ZSCAN5A: variants seen among roughly 807,000 people sequenced by gnomAD.
ZSCAN5A encodes zinc finger and SCAN domain-containing protein 5A.
ZSCAN5A carries 12 observed loss-of-function variants against 23.7 expected under a neutral mutation model. That is an observed-to-expected ratio of 0.51 (90% CI 0.32 to 0.82). The LOEUF is 0.82. Ranked by LOEUF, ZSCAN5A falls within the 40% of genes least tolerant of loss-of-function variation. The pLI, the probability that ZSCAN5A is intolerant of heterozygous loss-of-function variation, is 0.03. For missense variants in ZSCAN5A, 597 were observed against 617.9 expected (o/e 0.97, Z 0.36); for synonymous variants, 257 against 239.9 (o/e 1.07, Z -0.66).
chr19:56,364,453 A>G (rs1421974987), intron 1 of ZSCAN5A, among the ~76,000 whole-genome samples: 2 of 152,240 alleles, frequency 1.3e-5, no homozygotes, highest in Non-Finnish European at 2.9e-5. Flanking sequence ...AAAGAACGAC[A>G]ATATAAAGTC....
At chr19:56,321,635 G>C (rs2041377023) in intron 2 of ZSCAN5A, 1 of 879,438 alleles carries the variant, frequency 1.1e-6, no homozygotes, top group East Asian at 2.4e-5. Context: ...GTTCATCCAT[G>C]CATCGTTATG....
At chr19:56,242,282 G>A (rs1398146565) in intron 2 of ZSCAN5A, among the ~76,000 whole-genome samples, 3 of 152,200 alleles carry the variant, frequency 2.0e-5, no homozygotes, top group African/African-American at 7.2e-5. Flanking sequence ...CCCTGATGAT[G>A]AGTGATGACG....
At chr19:56,236,056 C>A (rs2034884272) in intron 2 of ZSCAN5A, among the ~76,000 whole-genome samples, 1 of 81,778 alleles carries the variant, frequency 1.2e-5, no homozygotes, top group African/African-American at 5.6e-5. Flanking sequence ...TGGGCCAAGC[C>A]TCCACTCCAG....
intron 2 of ZSCAN5A, among the ~76,000 whole-genome samples, chr19:56,311,602 T>C (rs1191410021): frequency 6.6e-6 from 1 of 152,216 alleles, no homozygotes; most frequent in African/African-American, 2.4e-5. Context: ...AGGGATCATT[T>C]TAAAGTGGAG....
At chr19:56,306,126 C>T (rs558613146) in intron 2 of ZSCAN5A, among the ~76,000 whole-genome samples, 6 of 152,148 alleles carry the variant, frequency 3.9e-5, no homozygotes, top group Non-Finnish European at 5.9e-5. Flanking sequence ...GAAAGAGACA[C>T]GTCCCAGTGA....
At chr19:56,251,293 G>A (rs2036322492) in intron 2 of ZSCAN5A, among the ~76,000 whole-genome samples, 1 of 152,128 alleles carries the variant, frequency 6.6e-6, no homozygotes, top group Non-Finnish European at 1.5e-5. Flanking sequence ...AATGGGGGAT[G>A]TCTATGGCCC....
intron 2 of ZSCAN5A, chr19:56,243,895 A>G (rs2035629440): frequency 6.0e-6 from 3 of 498,084 alleles, no homozygotes; most frequent in Non-Finnish European, 1.1e-5. Context: ...AGAAACTTTG[A>G]TCGGGCTCAT....
At position 56,355,876 on chromosome 19, in the gene ZSCAN5A, A is replaced by T. The variant is rs189729517; in HGVS notation, c.-358+7359T>A. Among the ~76,000 whole-genome samples the T allele has an allele frequency of 6.7e-5, 10 of 148,856 alleles. No homozygotes were observed. The East Asian group carries it at 1.9e-3, about 29-fold the overall frequency. ...TGGGAAGAAGGTAATGATTATGATG[A>T]CCTCAAGTCACAACCTAAAGAAATT... On this transcript the variant is annotated intron_variant, in intron 2 of 6. Coordinates refer to the ZSCAN5A transcript ENST00000587340.
intron 2 of ZSCAN5A, among the ~76,000 whole-genome samples, chr19:56,330,831 AT>A: frequency 6.6e-6 from 1 of 152,020 alleles, no homozygotes; most frequent in Admixed American, 6.6e-5. Context: ...CCAATTTGTC[AT>A]TTTTTTGTTG....
At chr19:56,336,252 G>T (rs2041535005) in intron 2 of ZSCAN5A, among the ~76,000 whole-genome samples, 1 of 152,160 alleles carries the variant, frequency 6.6e-6, no homozygotes, top group Admixed American at 6.5e-5. Flanking sequence ...TTTTCAGATA[G>T]TCCCATATTT....
chr19:56,258,212 G>C (rs1348966679), intron 2 of ZSCAN5A, among the ~76,000 whole-genome samples: 2 of 152,254 alleles, frequency 1.3e-5, no homozygotes, highest in Non-Finnish European at 2.9e-5. Flanking sequence ...GGGTAGTGAG[G>C]GGGTGTGGTT....
chr19:56,301,956 G>A (rs1021998547), intron 2 of ZSCAN5A: 25 of 1,231,872 alleles, frequency 2.0e-5, no homozygotes, highest in African/African-American at 7.8e-5. Context: ...TCATCTCCAC[G>A]GTTCTCTCCA....
At chr19:56,300,338 T>C (rs947845859) in intron 2 of ZSCAN5A, among the ~76,000 whole-genome samples, 1 of 152,228 alleles carries the variant, frequency 6.6e-6, no homozygotes. Flanking sequence ...ACAGCTCTAT[T>C]TGCTGTACAT....
chr19:56,365,880 C>G (rs926133966), intron 1 of ZSCAN5A: 2 of 152,190 alleles, frequency 1.3e-5, no homozygotes, highest in African/African-American at 2.4e-5. Context: ...TTTACACTTT[C>G]GTGAGTTTTA....
chr19:56,223,828 C>A lies in ZSCAN5A; in HGVS notation c.391G>T (p.Val131Phe). The A allele has an allele frequency of 6.2e-7, 1 of 1,611,262 alleles. No individual in the cohort carries two copies. Among genetic ancestry groups the A allele is most frequent in the Non-Finnish European group, 8.5e-7 (1 of 1,179,846 alleles). Residue 131 changes from valine to phenylalanine, a missense_variant, in exon 4 of 6, where the codon GTC (valine) becomes TTC (phenylalanine). Coordinates refer to ENST00000683990, the MANE Select transcript of ZSCAN5A (RefSeq NM_001322064.3). ...NNRRPKKWSV[V>F]TFHGKEYIVQ... The stretch of plus-strand genomic sequence containing the variant: ...ATATATTCCTTTCCGTGGAAGGTGA[C>A]CACAGACTGTAGAGAGAAAAAAGAC...
chr19:56,358,337 T>C (rs1342493458), intron 2 of ZSCAN5A, among the ~76,000 whole-genome samples: 1 of 148,442 alleles, frequency 6.7e-6, no homozygotes. Context: ...GCCAGGCTGG[T>C]CTCGGACTCC....
chr19:56,227,108 G>T (rs1468765542), intron 2 of ZSCAN5A, among the ~76,000 whole-genome samples: 1 of 152,082 alleles, frequency 6.6e-6, no homozygotes, highest in Non-Finnish European at 1.5e-5. Flanking sequence ...CCAACATGGT[G>T]ACTTCAGTTC....
intron 2 of ZSCAN5A, chr19:56,286,658 A>G (rs1475036620): frequency 6.6e-6 from 1 of 152,218 alleles, no homozygotes. Context: ...GGAAATAAAC[A>G]CTAGCAAGTG....
intron 2 of ZSCAN5A, among the ~76,000 whole-genome samples, chr19:56,242,760 T>A (rs563645125): frequency 1.3e-4 from 20 of 148,238 alleles, no homozygotes; most frequent in Admixed American, 6.8e-4. Flanking sequence ...GAACCAAATT[T>A]CAAAAAATCG....
Sources: gnomAD v4.1 joint callset for allele counts (sites outside exome capture counted in the v4.1 genomes callset) on GRCh38, gnomAD v4.1.1 for gene constraint, MANE v1.5 for transcripts, NCBI Gene and HGNC (gene_info 2026-07-23, HGNC 2026-07-21) for gene names.